Variants in TRHDE observed in about 807,000 individuals in gnomAD.
TRHDE encodes thyrotropin releasing hormone degrading enzyme.
TRHDE carries 72 observed loss-of-function variants against 125.7 expected under a neutral mutation model. The observed-to-expected ratio is 0.57, with a 90% CI of 0.47 to 0.70. The LOEUF is 0.70. TRHDE is among the 30% of genes least tolerant of loss of function. The pLI is 0.00. For missense variants in TRHDE, 1,110 were observed against 1,327.1 expected, an observed-to-expected ratio of 0.84 and a Z score of 2.54; for synonymous variants, 509 against 509.1, an observed-to-expected ratio of 1.00 and a Z score of 0.00.
intron 3 of TRHDE, among the ~76,000 whole-genome samples, chr12:72,458,359 T>C (rs1875965767): frequency 6.6e-6 from 1 of 152,192 alleles, no homozygotes; most frequent in East Asian, 1.9e-4. Flanking sequence ...AATGATGCGA[T>C]GTCACACTTT....
chr12:72,637,682 C>A (rs954617236), intron 15 of TRHDE, among the ~76,000 whole-genome samples: 1 of 152,070 alleles, frequency 6.6e-6, no homozygotes, highest in Non-Finnish European at 1.5e-5. Context: ...TGAATGCGTC[C>A]CAGAGATTCT....
At chr12:72,319,592 A>G (rs7957269) in intron 2 of TRHDE, among the ~76,000 whole-genome samples, 93,414 of 152,016 alleles carry the variant, frequency 0.61, 29,560 homozygotes, top group Non-Finnish European at 0.7. Context: ...TCTATCATCT[A>G]TCATCACCTA....
At chr12:72,491,043 G>C (rs564524750) in intron 5 of TRHDE, among the ~76,000 whole-genome samples, 1 of 147,874 alleles carries the variant, frequency 6.8e-6, no homozygotes, top group Non-Finnish European at 1.5e-5. Context: ...ATGTTAATTT[G>C]CTTCACTATA....
chr12:72,599,799 G>A (rs1872133507), intron 12 of TRHDE, among the ~76,000 whole-genome samples: 1 of 151,996 alleles, frequency 6.6e-6, no homozygotes, highest in Non-Finnish European at 1.5e-5. Flanking sequence ...CAAGGCTGAT[G>A]TCCACAATGG....
chr12:72,585,532 G>A (rs184664417), intron 12 of TRHDE, among the ~76,000 whole-genome samples: 17 of 152,232 alleles, frequency 1.1e-4, no homozygotes, highest in Non-Finnish European at 2.4e-4. Context: ...CCTAGGCTGC[G>A]CCAAACCATC....
intron 3 of TRHDE, among the ~76,000 whole-genome samples, chr12:72,379,564 A>T (rs989006641): frequency 2.0e-5 from 3 of 152,216 alleles, no homozygotes; most frequent in Non-Finnish European, 4.4e-5. Flanking sequence ...ACAAGTGCTT[A>T]TATTGCAAGT....
At chr12:72,341,769 A>G (rs1279795288) in intron 2 of TRHDE, among the ~76,000 whole-genome samples, 1 of 152,146 alleles carries the variant, frequency 6.6e-6, no homozygotes, top group African/African-American at 2.4e-5. Flanking sequence ...GGGAAGTAGA[A>G]TCAACAGAAA....
intron 6 of TRHDE, 90 bp from the exon 7 acceptor site, chr12:72,542,201 A>C: frequency 1.2e-6 from 1 of 836,914 alleles, no homozygotes; most frequent in Non-Finnish European, 1.8e-6. Flanking sequence ...ATAGAATAGC[A>C]TGAATGAAGT....
chr12:72,229,679 T>G (rs1682378262), intron 2 of TRHDE, among the ~76,000 whole-genome samples: 1 of 152,264 alleles, frequency 6.6e-6, no homozygotes, highest in African/African-American at 2.4e-5. Context: ...TAATGCCTTA[T>G]GAAAGCTTAC....
chr12:72,228,148 C>T (rs1878173383), intron 2 of TRHDE, among the ~76,000 whole-genome samples: 1 of 152,318 alleles, frequency 6.6e-6, no homozygotes, highest in Non-Finnish European at 1.5e-5. Flanking sequence ...GTGGGGGCTC[C>T]AACCCCACAT....
chr12:72,302,168 G>C (rs1868271257), intron 2 of TRHDE, among the ~76,000 whole-genome samples: 1 of 152,126 alleles, frequency 6.6e-6, no homozygotes, highest in Non-Finnish European at 1.5e-5. Context: ...AGAAACCAGA[G>C]AGAGAAAGGT....
chr12:72,181,493 A>G (rs938489995), intron 2 of TRHDE, among the ~76,000 whole-genome samples: 1 of 152,234 alleles, frequency 6.6e-6, no homozygotes, highest in East Asian at 1.9e-4. Context: ...ATAAATTACA[A>G]AGTTGCAAGC....
At chr12:72,598,957 C>A (rs1297318935) in intron 12 of TRHDE, among the ~76,000 whole-genome samples, 2 of 152,056 alleles carry the variant, frequency 1.3e-5, no homozygotes, top group African/African-American at 2.4e-5. Context: ...TTGTTTAGCT[C>A]CCACTTATAA....
At chr12:72,356,609 G>A (rs1870834790) in intron 2 of TRHDE, among the ~76,000 whole-genome samples, 1 of 151,546 alleles carries the variant, frequency 6.6e-6, no homozygotes, top group African/African-American at 2.4e-5. Flanking sequence ...ATGGATGTGA[G>A]AAGTTATGTG....
intron 7 of TRHDE, among the ~76,000 whole-genome samples, chr12:72,555,021 C>T (rs758769276): frequency 9.9e-5 from 15 of 152,164 alleles, no homozygotes; most frequent in Non-Finnish European, 2.1e-4. Flanking sequence ...TTAAAGCAAA[C>T]AAGCAAGAAA....
rs139566292 is a variant in TRHDE, at chr12:72,645,699, G to T, written c.2676-6623G>T. 2.6e-3 allele frequency among the ~76,000 whole-genome samples: 390 copies of T among 152,164 alleles called. 2 individuals are homozygous for T. Among genetic ancestry groups the T allele is most frequent in the African/African-American group, 8.9e-3 (368 of 41,542 alleles). The stretch of plus-strand genomic sequence containing the variant: ...ATTAAATTGGCAAAAGTAAAAAAGA[G>T]AATTTTGAAAGCAGCAAAAGTAAAG... On this transcript the variant is annotated intron_variant, in intron 15 of 18. Transcript: ENST00000261180.
chr12:72,523,084 A>G (rs1367337545), intron 6 of TRHDE, among the ~76,000 whole-genome samples: 2 of 152,038 alleles, frequency 1.3e-5, no homozygotes, highest in Non-Finnish European at 2.9e-5. Flanking sequence ...ACCCTGTTGT[A>G]GGCAGAAGCC....
intron 15 of TRHDE, among the ~76,000 whole-genome samples, chr12:72,651,073 T>C (rs1337553668): frequency 2.6e-5 from 4 of 152,170 alleles, no homozygotes; most frequent in Non-Finnish European, 5.9e-5. Context: ...GTTTCCTTTG[T>C]TTCATTAAAA....
At chr12:72,247,473 C>T (rs1346833197) in intron 2 of TRHDE, among the ~76,000 whole-genome samples, 2 of 152,216 alleles carry the variant, frequency 1.3e-5, no homozygotes, top group East Asian at 3.9e-4. Flanking sequence ...AACAATGGCT[C>T]TCCATCTGTC....
Sources: allele counts gnomAD v4.1 joint callset (sites outside exome capture counted in the v4.1 genomes callset), GRCh38; gene constraint gnomAD v4.1.1; transcripts MANE v1.5; gene names NCBI Gene and HGNC (gene_info 2026-07-23, HGNC 2026-07-21).